The following PROCR variants were observed in gnomAD, a reference collection of about 807,000 sequenced individuals.
PROCR encodes the protein protein C receptor.
A neutral mutation model predicts 24.2 loss-of-function variants in PROCR; 22 were observed. The observed-to-expected ratio is 0.91, with a 90% CI of 0.65 to 1.30. The LOEUF (loss-of-function observed/expected upper bound fraction) is 1.30, where lower values mean the gene tolerates loss of function less well. Among genes scored for constraint, PROCR ranks in the 50% most tolerant of loss-of-function variants. The pLI, the probability that PROCR is intolerant of heterozygous loss-of-function variation, is 0.00. For synonymous variants in PROCR, 137 were observed against 139.2 expected (o/e 0.98, Z 0.11); for missense variants, 288 against 307.7 (o/e 0.94, Z 0.48).
In PROCR at chr20:35,172,126, G is replaced by A. The variant is rs778347476; in HGVS notation, c.-29G>A. ...GGAGCCCGCAGCCGGCCCGAGCCAG[G>A]AACCCAGGTCCGGAGCCTCAACTTC... On this transcript the variant is annotated 5_prime_UTR_variant, in exon 1 of 4. Transcript: ENST00000216968. The A allele has an allele frequency of 6.2e-7, 1 of 1,613,258 alleles. No homozygotes were observed. The highest frequency in any genetic ancestry group is 2.2e-5 in the East Asian group (1 of 44,874).
chr20:35,181,299 G>A (rs1449902400), downstream of PROCR, among the ~76,000 whole-genome samples: 1 of 138,148 alleles, frequency 7.2e-6, no homozygotes, highest in African/African-American at 2.8e-5. Flanking sequence ...TTTTGAGATG[G>A]AGTCTCACTC....
chr20:35,197,395 G>A (rs2060301928), intron 1 of PROCR, among the ~76,000 whole-genome samples: 1 of 152,178 alleles, frequency 6.6e-6, no homozygotes, highest in South Asian at 2.1e-4. Flanking sequence ...AATGTAGTAT[G>A]TGTCTGGCTG....
At chr20:35,175,245 TCCTCACCCCTCG>T (rs1402637751) in intron 2 of PROCR, among the ~76,000 whole-genome samples, 3 of 151,378 alleles carry the variant, frequency 2.0e-5, no homozygotes, top group Non-Finnish European at 4.4e-5. Context: ...CCCAGAAAAC[TCCTCACCCCTCG>T]CCTCACAGTC....
chr20:35,181,217 T>C (rs1187333399), downstream of PROCR, among the ~76,000 whole-genome samples: 1 of 151,854 alleles, frequency 6.6e-6, no homozygotes, highest in African/African-American at 2.4e-5. Flanking sequence ...CAAAATGACA[T>C]TCAAGGCCTT....
At position 35,174,588 on chromosome 20, in the gene PROCR, G is replaced by A. The variant is rs878963725; in HGVS notation, c.71-114G>A. On this transcript the variant is annotated intron_variant, in intron 1 of 3. Transcript: ENST00000216968. The stretch of plus-strand genomic sequence containing the variant: ...AGAAGCGGTGGGAGGGCACATTATA[G>A]TTTATGAAGGGTCGAGAAGGCGGGC... 5.5e-5 allele frequency: 75 copies of A among 1,364,868 alleles called. 1 individual carries two copies. The South Asian group carries it at 8.6e-4, about 16-fold the overall frequency. 84.5% of individuals were successfully genotyped at this position (1,364,868 alleles called of 1,614,324 possible). A position where few individuals can be genotyped will look rare whatever the true frequency, so the allele number is the denominator to read the frequency against.
chr20:35,186,823 C>T (rs950531630), intron 1 of PROCR, among the ~76,000 whole-genome samples: 2 of 151,604 alleles, frequency 1.3e-5, no homozygotes, highest in East Asian at 1.9e-4. Flanking sequence ...CATGGTGGCA[C>T]GTGCCTATAA....
chr20:35,176,197 T>A lies in PROCR; in HGVS notation c.352T>A (p.Cys118Ser). The A allele has an allele frequency of 6.2e-7, 1 of 1,614,138 alleles. No homozygotes were observed. Among genetic ancestry groups the A allele is most frequent in the Non-Finnish European group, 8.5e-7 (1 of 1,180,014 alleles). The change falls in exon 3 of 4, where the codon TGT becomes AGT. Residue 118 changes from cysteine (C) to serine (S), a missense_variant. By Grantham distance (112) the Cys-to-Ser change is moderately radical. Coordinates refer to ENST00000216968, the MANE Select transcript of PROCR (RefSeq NM_006404.5). ...TCTGACCATCCGCTGCTTCCTGGGC[T>A]GTGAGCTGCCTCCCGAGGGCTCTAG... is the stretch of plus-strand genomic sequence containing the variant. ...FPLTIRCFLG[C>S]ELPPEGSRAH... is the part of the protein sequence containing the mutation.
At chr20:35,205,461 A>G (rs1274335368) in intron 1 of PROCR, among the ~76,000 whole-genome samples, 2 of 147,294 alleles carry the variant, frequency 1.4e-5, no homozygotes, top group African/African-American at 2.5e-5. Context: ...AAAAATATAT[A>G]TATATATTGG....
chr20:35,185,154 T>A (rs1288721619), intron 1 of PROCR, among the ~76,000 whole-genome samples: 2 of 151,050 alleles, frequency 1.3e-5, no homozygotes, highest in Non-Finnish European at 2.9e-5. Context: ...TTACTAATGA[T>A]CAGGAAAATG....
chr20:35,215,950 C>A (rs754287015), exon 2 of PROCR: 43 of 911,374 alleles, frequency 4.7e-5, no homozygotes, highest in Non-Finnish European at 5.2e-5. Flanking sequence ...GTAATCCCAG[C>A]ACTTTGGGAG....
In PROCR at chr20:35,176,112, C is replaced by T. The variant is rs2086013547; in HGVS notation, c.323-56C>T. ...GTTCTTTTCCCCTTGGTGGGCCTCG[C>T]CCCACACCTGGCACCCTCTCTGCAC... On this transcript the variant is annotated intron_variant, in intron 2 of 3. Transcript: ENST00000216968. 3.8e-6 allele frequency: 6 copies of T among 1,569,236 alleles called. No individual in the cohort carries two copies. The Admixed American group carries it at 1.0e-4, about 26-fold the overall frequency.
intron 1 of PROCR, among the ~76,000 whole-genome samples, chr20:35,205,861 ATATG>A (rs1349394293): frequency 1.4e-5 from 2 of 144,564 alleles, no homozygotes; most frequent in South Asian, 2.2e-4. Flanking sequence ...ATACATATAC[ATATG>A]TATACATGTA....
intron 1 of PROCR, among the ~76,000 whole-genome samples, chr20:35,185,655 G>A (rs2146157273): frequency 6.6e-6 from 1 of 152,272 alleles, no homozygotes; most frequent in South Asian, 2.1e-4. Context: ...AACATCATAT[G>A]TTCTCACTGA....
intron 1 of PROCR, among the ~76,000 whole-genome samples, chr20:35,213,016 G>A (rs935885394): frequency 6.6e-6 from 1 of 152,154 alleles, no homozygotes; most frequent in African/African-American, 2.4e-5. Context: ...AACATGGTTG[G>A]TCATTTAAAA....
At chr20:35,199,486 C>T (rs973994320) in intron 1 of PROCR, among the ~76,000 whole-genome samples, 2 of 152,186 alleles carry the variant, frequency 1.3e-5, no homozygotes, top group Non-Finnish European at 1.5e-5. Flanking sequence ...TGCAGTGGCT[C>T]ACGCCTGTAA....
Position 35,212,345 on chromosome 20 carries a change from C to T in PROCR, c.95-3548C>T, listed in dbSNP as rs2060365611. 2.0e-5 allele frequency among the ~76,000 whole-genome samples: 3 copies of T among 152,120 alleles called. No homozygotes were observed. In the South Asian group the frequency reaches 6.2e-4, roughly 32 times the overall value. ...TGTGACCTCTGTAGTCACACAGGGC[C>T]CCCCTCTTAGAAGGGCCCTCACGCT... On this transcript the variant is annotated intron_variant, in intron 1 of 1. Coordinates refer to the PROCR transcript ENST00000634509.
chr20:35,207,637 C>T (rs975123495), intron 1 of PROCR, among the ~76,000 whole-genome samples: 2 of 151,998 alleles, frequency 1.3e-5, no homozygotes, highest in Non-Finnish European at 2.9e-5. Flanking sequence ...TCAAGTGATT[C>T]TCTGGCCTCA....
At chr20:35,177,663 ACCTCGTGATCCGCCTACCTCGG>A (rs1022814197), downstream of PROCR, among the ~76,000 whole-genome samples, 6 of 151,200 alleles carry the variant, frequency 4.0e-5, no homozygotes, top group African/African-American at 1.5e-4. Flanking sequence ...GGCCATCCTG[ACCTCGTGATCCGCCTACCTCGG>A]CCTCCCCAAG....
intron 1 of PROCR, among the ~76,000 whole-genome samples, chr20:35,211,182 C>T (rs1001155972): frequency 5.3e-5 from 8 of 152,174 alleles, no homozygotes; most frequent in African/African-American, 1.4e-4. Context: ...ATTTACTTTA[C>T]GGCTATTGCA....
Sources: gnomAD v4.1 joint callset for allele counts (sites outside exome capture counted in the v4.1 genomes callset) on GRCh38, gnomAD v4.1.1 for gene constraint, MANE v1.5 for transcripts, NCBI Gene and HGNC (gene_info 2026-07-23, HGNC 2026-07-21) for gene names.